CHRNA9: variants seen among roughly 807,000 people sequenced by gnomAD.
CHRNA9 encodes neuronal acetylcholine receptor subunit alpha-9.
A neutral mutation model predicts 36.8 loss-of-function variants in CHRNA9; 24 were observed. The ratio of observed to expected loss-of-function variants is 0.65; its 90% CI spans 0.47 to 0.92. CHRNA9 has a LOEUF of 0.92. Among genes scored for constraint, CHRNA9 ranks in the 40% least tolerant of loss-of-function variants. CHRNA9 has a pLI of 0.00. For synonymous variants in CHRNA9, 231 were observed against 231.8 expected (o/e 1.00, Z 0.03); for missense variants, 610 against 601.2 (o/e 1.01, Z -0.15).
At chr4:40,339,890 C>A (rs1479716272) in intron 3 of CHRNA9, among the ~76,000 whole-genome samples, 1 of 151,898 alleles carries the variant, frequency 6.6e-6, no homozygotes, top group African/African-American at 2.4e-5. Context: ...TGGTTTCGAA[C>A]TCCTGGGCTC....
rs778382079 is a variant in CHRNA9 at position 40,354,291 on chromosome 4, T to C, written c.1211T>C (p.Leu404Pro). The change falls in exon 5 of 5, where the codon CTG becomes CCG. Residue 404 changes from leucine to proline, a missense_variant. Leu to Pro is a moderately conservative substitution (Grantham distance 98). Coordinates refer to ENST00000310169, the MANE Select transcript of CHRNA9 (RefSeq NM_017581.4). The stretch of plus-strand genomic sequence containing the variant: ...ATGAACAAACGCTTAAAGAACGACC[T>C]GGGCTGCCAGGGTAAGAACCCTCAG... ...KDMNKRLKND[L>P]GCQGKNPQEA... 4 of 1,614,156 alleles carry C rather than the reference T, an allele frequency of 2.5e-6. No individual in the cohort carries two copies. The highest frequency in any genetic ancestry group is 1.1e-5 in the South Asian group (1 of 91,080).
At chr4:40,349,592 C>T in intron 4 of CHRNA9, 178 bp downstream of exon 4, 1 of 600,584 alleles carries the variant, frequency 1.7e-6, no homozygotes, top group Non-Finnish European at 2.9e-6. Context: ...GAGCCTTTTG[C>T]AATCAAAACT....
chr4:40,351,346 G>GA (rs1158896253), intron 4 of CHRNA9, among the ~76,000 whole-genome samples: 2 of 138,928 alleles, frequency 1.4e-5, no homozygotes, highest in Non-Finnish European at 3.1e-5. Context: ...AAAAAAAATT[G>GA]AAAAAAAATA....
At chr4:40,345,783 G>A (rs1577547326) in intron 3 of CHRNA9, among the ~76,000 whole-genome samples, 1 of 152,190 alleles carries the variant, frequency 6.6e-6, no homozygotes, top group African/African-American at 2.4e-5. Context: ...CCAGCACTCT[G>A]GGAGGCTGAG....
chr4:40,341,316 G>T (rs999774288), intron 3 of CHRNA9, among the ~76,000 whole-genome samples: 4 of 149,082 alleles, frequency 2.7e-5, no homozygotes, highest in Non-Finnish European at 5.9e-5. Context: ...GCGGTAGTTT[G>T]CTCTGTCACC....
chr4:40,352,273 G>A (rs540779452), intron 4 of CHRNA9, among the ~76,000 whole-genome samples: 5 of 152,316 alleles, frequency 3.3e-5, no homozygotes, highest in African/African-American at 1.2e-4. Flanking sequence ...CCAGACTGGA[G>A]TGCAGTGGTG....
chr4:40,342,852 C>A (rs10020854), intron 3 of CHRNA9, among the ~76,000 whole-genome samples: 21,333 of 151,650 alleles, frequency 0.14, 1,550 homozygotes, highest in African/African-American at 0.16. Flanking sequence ...AGAAGAGGGA[C>A]CAAGGGAGGC....
At chr4:40,339,662 C>CA (rs756343215) in intron 3 of CHRNA9, among the ~76,000 whole-genome samples, 45,536 of 93,866 alleles carry the variant, frequency 0.49, 11,602 homozygotes, top group East Asian at 0.82. Context: ...GACTCTATCT[C>CA]AAAAAAAAAA....
chr4:40,349,270 T>G lies in CHRNA9; in HGVS notation c.754T>G (p.Ser252Ala). 1 of 1,614,142 alleles carries G rather than the reference T, an allele frequency of 6.2e-7. No individual in the cohort carries two copies. Among genetic ancestry groups the G allele is most frequent in the Non-Finnish European group, 8.5e-7 (1 of 1,180,024 alleles). Residue 252 changes from serine to alanine, a missense_variant, in exon 4 of 5, where the codon TCT becomes GCT. Coordinates refer to ENST00000310169, the MANE Select transcript of CHRNA9 (RefSeq NM_017581.4). ...VNLLIPCVLI[S>A]FLAPLSFYLP... ...CCTCCTCATCCCATGCGTCCTCATA[T>G]CTTTTCTGGCTCCTCTGAGTTTTTA...
Position 40,348,960 on chromosome 4 carries a change from G to T in CHRNA9, c.444G>T (p.Pro148=). Residue 148 remains proline, a synonymous_variant, in exon 4 of 5, where the codon CCG becomes CCT. Coordinates refer to ENST00000310169, the MANE Select transcript of CHRNA9 (RefSeq NM_017581.4). ...ATGGGCTGATCACCTGGGATGCACC[G>T]GCCATCACCAAAAGCTCCTGTGTGG... ...RYDGLITWDA[P]AITKSSCVVD... The T allele has an allele frequency of 8.1e-6, 13 of 1,614,106 alleles. No homozygotes were observed. The highest frequency in any genetic ancestry group is 1.1e-5 in the Non-Finnish European group (13 of 1,180,012).
Position 40,354,663 on chromosome 4 carries a change from C to A in CHRNA9, c.*143C>A. ...TTTATTTTTAGCTTCAAATGAATGT[C>A]GAAGCTATCTGCTCTGTTAAATTAA... On this transcript the variant is annotated 3_prime_UTR_variant, in exon 5 of 5. Coordinates refer to ENST00000310169, the MANE Select transcript of CHRNA9 (RefSeq NM_017581.4). The A allele has an allele frequency of 1.4e-6, 1 of 715,746 alleles. No individual in the cohort carries two copies. Among genetic ancestry groups the A allele is most frequent in the Non-Finnish European group, 2.3e-6 (1 of 429,576 alleles). The allele number at this position is 715,746 out of a possible 1,614,324, so 44.3% of individuals were successfully genotyped here. A position where few individuals can be genotyped will look rare whatever the true frequency, so the allele number is the denominator to read the frequency against.
chr4:40,345,424 T>G (rs527349899), intron 3 of CHRNA9, among the ~76,000 whole-genome samples: 1 of 152,092 alleles, frequency 6.6e-6, no homozygotes, highest in Non-Finnish European at 1.5e-5. Context: ...GTATTTAAAT[T>G]ACTCAAGGCC....
At chr4:40,335,703 C>T in intron 1 of CHRNA9, 124 bp from the exon 2 acceptor site, 1 of 1,075,010 alleles carries the variant, frequency 9.3e-7, no homozygotes, top group South Asian at 1.4e-5. Context: ...ACTCATCCAT[C>T]CACCCAAAGC....
chr4:40,337,616 G>C (rs1190747836), intron 3 of CHRNA9, among the ~76,000 whole-genome samples: 2 of 152,138 alleles, frequency 1.3e-5, no homozygotes, highest in African/African-American at 4.8e-5. Flanking sequence ...GCATTAGTTT[G>C]CTAGGGCTAA....
chr4:40,348,612 C>G (rs1195039292), intron 3 of CHRNA9, among the ~76,000 whole-genome samples: 1 of 152,048 alleles, frequency 6.6e-6, no homozygotes, highest in Non-Finnish European at 1.5e-5. Context: ...ACACCTGGAC[C>G]AAGAAAGTGA....
At chr4:40,345,157 G>A (rs1016061476) in intron 3 of CHRNA9, among the ~76,000 whole-genome samples, 2 of 152,144 alleles carry the variant, frequency 1.3e-5, no homozygotes, top group Admixed American at 6.5e-5. Flanking sequence ...AGGTGCAGAA[G>A]TATTGTTTGG....
At position 40,337,381 on chromosome 4, in the gene CHRNA9, A is replaced by G. The variant is rs1269034764; in HGVS notation, c.365+17A>G. On this transcript the variant is annotated intron_variant, in intron 3 of 4. Transcript: ENST00000310169. ...ATATAACAAGTAAGTGCAGCTCAGA[A>G]CTGAGGCTTTTCAGGCATGAACGTG... 1 of 1,601,262 alleles carries G rather than the reference A, an allele frequency of 6.2e-7. No homozygotes were observed.
Position 40,337,364 on chromosome 4 carries a change from A to C in CHRNA9, c.365A>C (p.Lys122Thr). 6.2e-7 allele frequency: 1 copy of C among 1,613,788 alleles called. No homozygotes were observed. The highest frequency in any genetic ancestry group is 8.5e-7 in the Non-Finnish European group (1 of 1,179,680). ...AGGCCAGACATCGTCTTATATAACA[A>C]GTAAGTGCAGCTCAGAACTGAGGCT... ...VWRPDIVLYN[K>T]ADDESSEPVN... Residue 122 changes from lysine to threonine, a missense_variant and splice_region_variant, in exon 3 of 5, where the codon AAG becomes ACG. Transcript: ENST00000310169.
rs1379043538 is a variant in CHRNA9 at position 40,354,873 on chromosome 4, C to T, written c.*353C>T. The T allele has an allele frequency of 5.4e-6, 1 of 186,284 alleles. No homozygotes were observed. The highest frequency in any genetic ancestry group is 1.1e-5 in the Non-Finnish European group (1 of 88,028). The allele number at this position is 186,284 out of a possible 1,614,324, so 11.5% of individuals were successfully genotyped here. On this transcript the variant is annotated 3_prime_UTR_variant, in exon 5 of 5. Coordinates refer to ENST00000310169, the MANE Select transcript of CHRNA9 (RefSeq NM_017581.4). ...AACAAAAAAGGCAAAACAAAACAAA[C>T]TCATTTTCCCCTTAGTTCCCATTAA...
Sources: allele counts gnomAD v4.1 joint callset (sites outside exome capture counted in the v4.1 genomes callset), GRCh38; gene constraint gnomAD v4.1.1; transcripts MANE v1.5; gene names NCBI Gene and HGNC (gene_info 2026-07-23, HGNC 2026-07-21).